The following MRPS6 variants were observed in gnomAD, a reference collection of about 807,000 sequenced individuals.
The protein encoded by MRPS6 is mitochondrial ribosomal protein S6, also known as small ribosomal subunit protein bS6m.
Under a neutral mutation model 13.1 loss-of-function variants are expected in MRPS6, and 6 were observed. The ratio of observed to expected loss-of-function variants is 0.46; its 90% confidence interval spans 0.25 to 0.91. MRPS6 has a LOEUF of 0.91. MRPS6 is among the 40% of genes least tolerant of loss of function. The pLI is 0.18. For missense variants in MRPS6, 164 were observed against 155.6 expected, an observed-to-expected ratio of 1.05 and a Z score of -0.29; for synonymous variants, 61 against 56.5, an observed-to-expected ratio of 1.08 and a Z score of -0.36.
chr21:34,137,492 T>C (rs1215815397), intron 2 of MRPS6, among the ~76,000 whole-genome samples: 1 of 152,230 alleles, frequency 6.6e-6, no homozygotes, highest in African/African-American at 2.4e-5. Context: ...TTCTATTTTT[T>C]TTATAGATTT....
At chr21:34,125,572 A>G in intron 2 of MRPS6, 92 bp downstream of exon 2, 1 of 1,534,560 alleles carries the variant, frequency 6.5e-7, no homozygotes, top group Non-Finnish European at 8.8e-7. Flanking sequence ...AAAATTTCAC[A>G]TTGAGACCCC....
intron 1 of MRPS6, chr21:34,100,320 G>A: frequency 1.0e-6 from 1 of 1,000,140 alleles, no homozygotes; most frequent in Non-Finnish European, 1.2e-6. Flanking sequence ...ATATTTTGTG[G>A]GACCTCTAAT....
chr21:34,094,026 G>A (rs75258444), intron 1 of MRPS6, among the ~76,000 whole-genome samples: 1,756 of 152,184 alleles, frequency 0.012, 39 homozygotes, highest in South Asian at 0.081. Context: ...ATAAAATCAC[G>A]CCTTTAGTCA....
chr21:34,135,556 C>T (rs989707209), intron 2 of MRPS6: 27 of 475,530 alleles, frequency 5.7e-5, no homozygotes, highest in East Asian at 3.4e-4. Context: ...CATGATCTCC[C>T]GGAGGGCACC....
chr21:34,105,230 C>CT (rs1979423936), intron 1 of MRPS6: 9 of 1,000,122 alleles, frequency 9.0e-6, no homozygotes, highest in Non-Finnish European at 1.1e-5. Flanking sequence ...CCGTTCTTTG[C>CT]TTGGACATCC....
intron 1 of MRPS6, among the ~76,000 whole-genome samples, chr21:34,083,662 T>C (rs1280667318): frequency 6.6e-6 from 1 of 152,224 alleles, no homozygotes; most frequent in African/African-American, 2.4e-5. Flanking sequence ...GTATGAAGTA[T>C]AGTATCTTGA....
chr21:34,138,504 A>T (rs1410276292), intron 2 of MRPS6, among the ~76,000 whole-genome samples: 1 of 152,070 alleles, frequency 6.6e-6, no homozygotes. Context: ...GAAAAAAACA[A>T]CCCCATCAAA....
chr21:34,084,890 G>C (rs1294111151), intron 1 of MRPS6, among the ~76,000 whole-genome samples: 1 of 152,054 alleles, frequency 6.6e-6, no homozygotes, highest in Non-Finnish European at 1.5e-5. Context: ...TTTTTGCCTA[G>C]ATCACTAATT....
chr21:34,096,859 T>A lies in MRPS6; in HGVS notation c.45+23114T>A. On this transcript the variant is annotated intron_variant, in intron 1 of 2. Transcript: ENST00000399312. This position sits in a 1 kb window ranked among gnomAD's most constrained non-coding sequence, Gnocchi z 5.9. ...TTTTGGTCTAAGAAGAACCTGGTGG[T>A]GAAGGAGAACTGCTCCCCAAAAGAG... 1 of 1,613,998 alleles carries A rather than the reference T, an allele frequency of 6.2e-7. No individual in the cohort carries two copies. The highest frequency in any genetic ancestry group is 8.5e-7 in the Non-Finnish European group (1 of 1,179,978).
At chr21:34,093,971 T>A (rs942666723) in intron 1 of MRPS6, among the ~76,000 whole-genome samples, 3 of 152,174 alleles carry the variant, frequency 2.0e-5, no homozygotes, top group Admixed American at 1.3e-4. Flanking sequence ...CTCCCTCTTT[T>A]CTCTGCTTCT....
At chr21:34,098,600 G>T (rs931244307) in intron 1 of MRPS6, 192 of 1,000,134 alleles carry the variant, frequency 1.9e-4, no homozygotes, top group Non-Finnish European at 2.1e-4. Context: ...GCTGTTGTTA[G>T]GTTGTCAATA....
chr21:34,125,574 T>G, intron 2 of MRPS6, 94 bp downstream of exon 2: 1 of 1,531,612 alleles, frequency 6.5e-7, no homozygotes, highest in South Asian at 1.3e-5. Context: ...AATTTCACAT[T>G]GAGACCCCTG....
intron 1 of MRPS6, chr21:34,099,464 A>G: frequency 1.0e-6 from 1 of 1,000,010 alleles, no homozygotes; most frequent in Non-Finnish European, 1.2e-6. Context: ...AAGATCTTGG[A>G]TTTTTCAAAT....
chr21:34,106,488 A>G (rs1186304586), intron 1 of MRPS6, among the ~76,000 whole-genome samples: 1 of 152,236 alleles, frequency 6.6e-6, no homozygotes, highest in Non-Finnish European at 1.5e-5. Context: ...AAATTAAAAT[A>G]TTCTTAATTT....
intron 2 of MRPS6, among the ~76,000 whole-genome samples, chr21:34,126,668 C>CT: frequency 6.6e-6 from 1 of 152,138 alleles, no homozygotes; most frequent in East Asian, 1.9e-4. Flanking sequence ...ATCCTTTTGC[C>CT]TTTTTTGTTG....
intron 1 of MRPS6, among the ~76,000 whole-genome samples, chr21:34,107,050 A>G (rs1466888890): frequency 6.6e-6 from 1 of 151,932 alleles, no homozygotes; most frequent in Non-Finnish European, 1.5e-5. Context: ...TCGTGCCTCA[A>G]CCTCTTGGGT....
intron 1 of MRPS6, among the ~76,000 whole-genome samples, chr21:34,121,089 G>C (rs575066211): frequency 6.6e-6 from 1 of 152,162 alleles, no homozygotes; most frequent in South Asian, 2.1e-4. Flanking sequence ...AAAGGTCCTT[G>C]CTCCTCTGTA....
intron 1 of MRPS6, among the ~76,000 whole-genome samples, chr21:34,091,336 G>T (rs915351555): frequency 6.6e-6 from 1 of 152,138 alleles, no homozygotes; most frequent in South Asian, 2.1e-4. Flanking sequence ...TCCTTGTTTG[G>T]TTTTAGTGGC....
At chr21:34,086,591 T>C (rs1569414136) in intron 1 of MRPS6, among the ~76,000 whole-genome samples, 2 of 152,104 alleles carry the variant, frequency 1.3e-5, no homozygotes, top group African/African-American at 4.8e-5. Context: ...TCTTCATCTT[T>C]ATTTCAGAAA....
Sources: gnomAD v4.1 joint callset for allele counts (sites outside exome capture counted in the v4.1 genomes callset) on GRCh38, gnomAD v4.1.1 for gene constraint, Gnocchi (gnomAD v3.1) non-coding constraint, MANE v1.5 for transcripts, NCBI Gene and HGNC (gene_info 2026-07-23, HGNC 2026-07-21) for gene names.